Variants in INSL6 observed in about 807,000 individuals in gnomAD.
INSL6 encodes the protein insulin like 6.
In INSL6, 16 loss-of-function variants were observed where a neutral mutation model predicts 9.4. The observed-to-expected ratio is 1.70, with a 90% CI of 1.15 to 2.59. INSL6 has a LOEUF of 2.59. Among genes scored for constraint, INSL6 ranks in the 30% most tolerant of loss-of-function variants. The probability of loss-of-function intolerance (pLI) is 0.00; values close to 1 mark genes in which losing one functional copy is unlikely to be tolerated. For synonymous variants in INSL6, 154 were observed against 96.9 expected, an observed-to-expected ratio of 1.59 and a Z score of -3.46; for missense variants, 391 against 257.3, an observed-to-expected ratio of 1.52 and a Z score of -3.56.
the INSL6 span, among the ~76,000 whole-genome samples, chr9:5,035,319 T>G: frequency 1.3e-5 from 2 of 152,200 alleles, no homozygotes; most frequent in Non-Finnish European, 2.9e-5. Context: ...GAGGAGCTGG[T>G]ACCATTCCTT....
chr9:5,081,793 G>A, the INSL6 span: 1 of 1,610,940 alleles, frequency 6.2e-7, no homozygotes, highest in Non-Finnish European at 8.5e-7. Flanking sequence ...GTTTTCTGGT[G>A]CCTTTGAAGA....
chr9:5,036,944 C>T, the INSL6 span, among the ~76,000 whole-genome samples: 1 of 152,118 alleles, frequency 6.6e-6, no homozygotes, highest in African/African-American at 2.4e-5. Context: ...AATGGGAGAA[C>T]ATTTTTGTAA....
At chr9:5,042,638 G>C in the INSL6 span, among the ~76,000 whole-genome samples, 301 of 151,950 alleles carry the variant, frequency 2.0e-3, 1 homozygote, top group African/African-American at 6.9e-3. Context: ...ATAAAGTCCA[G>C]CTTGTCTCCC....
chr9:5,117,078 C>T, the INSL6 span, among the ~76,000 whole-genome samples: 4 of 152,214 alleles, frequency 2.6e-5, no homozygotes, highest in African/African-American at 4.8e-5. Flanking sequence ...TGTGAGGACA[C>T]GGCATTCCTC....
the INSL6 span, chr9:5,111,571 G>A: frequency 5.5e-6 from 2 of 363,036 alleles, no homozygotes; most frequent in Admixed American, 3.7e-5. Flanking sequence ...ATGGCAGCCT[G>A]CACCCCTAAG....
At chr9:5,108,152 A>G in the INSL6 span, 3 of 152,100 alleles carry the variant, frequency 2.0e-5, no homozygotes, top group African/African-American at 7.2e-5. Context: ...TTATAATCCT[A>G]GCAAGCCAAT....
the INSL6 span, chr9:5,085,315 T>C: frequency 2.6e-6 from 2 of 756,890 alleles, no homozygotes; most frequent in Non-Finnish European, 4.9e-6. Context: ...GTCGAATACA[T>C]CATCTATTAG....
chr9:5,051,577 A>G, the INSL6 span, among the ~76,000 whole-genome samples: 1 of 152,182 alleles, frequency 6.6e-6, no homozygotes, highest in Non-Finnish European at 1.5e-5. Context: ...CATTCTTCAA[A>G]TTATTCTTCT....
At chr9:5,073,294 A>G in the INSL6 span, among the ~76,000 whole-genome samples, 1 of 152,206 alleles carries the variant, frequency 6.6e-6, no homozygotes, top group Non-Finnish European at 1.5e-5. Context: ...ATGTCGTGAT[A>G]TTTTATCTGC....
intron 1 of INSL6, among the ~76,000 whole-genome samples, chr9:5,175,999 C>A (rs553501296): frequency 6.6e-6 from 1 of 152,294 alleles, no homozygotes; most frequent in South Asian, 2.1e-4. Context: ...AAATTGTCTT[C>A]CATGAAACTG....
intron 2 of INSL6, among the ~76,000 whole-genome samples, chr9:5,148,682 C>G (rs1205729188): frequency 6.6e-6 from 1 of 152,144 alleles, no homozygotes; most frequent in Non-Finnish European, 1.5e-5. Flanking sequence ...AAGTGTCCAG[C>G]AGTTCCTGGC....
At chr9:5,006,870 C>A in the INSL6 span, among the ~76,000 whole-genome samples, 1 of 152,066 alleles carries the variant, frequency 6.6e-6, no homozygotes, top group African/African-American at 2.4e-5. Context: ...TCTTCTTGTG[C>A]TAGTTTAGGT....
chr9:5,051,817 A>C, the INSL6 span, among the ~76,000 whole-genome samples: 1 of 152,116 alleles, frequency 6.6e-6, no homozygotes, highest in African/African-American at 2.4e-5. Context: ...TACATACCCA[A>C]TTTGCAGAGT....
At chr9:5,078,183 C>A in the INSL6 span, 2 of 712,356 alleles carry the variant, frequency 2.8e-6, no homozygotes, top group South Asian at 2.6e-5. Context: ...TCAATGCATG[C>A]CTCCAAATTA....
intron 1 of INSL6, among the ~76,000 whole-genome samples, chr9:5,179,678 G>C (rs750151724): frequency 6.6e-6 from 1 of 152,182 alleles, no homozygotes; most frequent in Non-Finnish European, 1.5e-5. Context: ...AAAAGAATGA[G>C]ATCATGTCCT....
At chr9:5,115,920 TA>T in the INSL6 span, among the ~76,000 whole-genome samples, 3 of 152,092 alleles carry the variant, frequency 2.0e-5, no homozygotes, top group African/African-American at 7.2e-5. Flanking sequence ...GGTGGAGGGC[TA>T]GGGGAGGGAT....
the INSL6 span, among the ~76,000 whole-genome samples, chr9:5,003,476 C>T: frequency 3.3e-5 from 5 of 152,006 alleles, no homozygotes; most frequent in African/African-American, 1.2e-4. Flanking sequence ...TTTTTTGTTA[C>T]TATTGTAAAT....
At chr9:5,124,980 CTT>C (rs1423081749) in intron 3 of INSL6, among the ~76,000 whole-genome samples, 1 of 151,284 alleles carries the variant, frequency 6.6e-6, no homozygotes, top group Non-Finnish European at 1.5e-5. Flanking sequence ...AGTACAGTCT[CTT>C]AATATTACTT....
At chr9:5,126,390 A>G (rs1450024814) in intron 3 of INSL6, 2 of 1,610,980 alleles carry the variant, frequency 1.2e-6, no homozygotes, top group South Asian at 1.1e-5. Flanking sequence ...GTTCCATTTG[A>G]TAGAACTTTT....
Sources: gnomAD v4.1 joint callset for allele counts (sites outside exome capture counted in the v4.1 genomes callset) on GRCh38, gnomAD v4.1.1 for gene constraint, MANE v1.5 for transcripts, NCBI Gene and HGNC (gene_info 2026-07-23, HGNC 2026-07-21) for gene names.